The following BTBD9 variants were observed in gnomAD, a reference collection of about 807,000 sequenced individuals.
BTBD9 encodes the protein BTB domain containing 9.
In BTBD9, 49 loss-of-function variants were observed where a neutral mutation model predicts 64.3. That is an observed-to-expected ratio of 0.76 (90% CI 0.61 to 0.97). BTBD9 has a LOEUF of 0.97. BTBD9 is among the 50% of genes least tolerant of loss of function. The pLI, the probability that BTBD9 is intolerant of heterozygous loss-of-function variation, is 0.00. For synonymous variants in BTBD9, 260 were observed against 274.7 expected (o/e 0.95, Z 0.53); for missense variants, 598 against 762.1 (o/e 0.78, Z 2.53).
intron 9 of BTBD9, among the ~76,000 whole-genome samples, chr6:38,250,123 AG>A (rs1181184835): frequency 6.6e-6 from 1 of 152,204 alleles, no homozygotes; most frequent in Admixed American, 6.5e-5. Context: ...GAAAAGTAAC[AG>A]GGGCCCAAGG....
intron 10 of BTBD9, among the ~76,000 whole-genome samples, chr6:38,175,460 T>C (rs900887777): frequency 6.6e-6 from 1 of 152,236 alleles, no homozygotes; most frequent in Non-Finnish European, 1.5e-5. Context: ...CACACTGGAT[T>C]ACTCCGTTTT....
chr6:38,623,614 C>T (rs1048371782), intron 1 of BTBD9, among the ~76,000 whole-genome samples: 3 of 152,126 alleles, frequency 2.0e-5, no homozygotes, highest in South Asian at 2.1e-4. Context: ...AAGTACAAGA[C>T]GCTTCCCGGC....
intron 5 of BTBD9, among the ~76,000 whole-genome samples, chr6:38,578,391 C>T (rs73412397): frequency 0.016 from 2,469 of 152,278 alleles, 68 homozygotes; most frequent in African/African-American, 0.056. Flanking sequence ...TCAGCTACTC[C>T]GAACCATTAC....
At position 38,496,359 on chromosome 6, in the gene BTBD9, T is replaced by A. The variant is rs557913385; in HGVS notation, c.1154+81241A>T. On this transcript the variant is annotated intron_variant, in intron 6 of 10. Coordinates refer to ENST00000481247, the MANE Select transcript of BTBD9 (RefSeq NM_001099272.2). ...AAACACATTTTTCTAAAGATGCAAA[T>A]CAGCCAGGCGCAGTGGTTCACACCT... Among the ~76,000 whole-genome samples, 8 of 152,186 alleles carry A rather than the reference T, an allele frequency of 5.3e-5. No individual in the cohort carries two copies. In the East Asian group the frequency reaches 1.5e-3, roughly 29 times the overall value.
Position 38,171,560 on chromosome 6 carries a change from GTGTGTGTGTGTGTGTGTGT to G in BTBD9, c.*3406_*3424del, listed in dbSNP as rs1270593215. On this transcript the variant is annotated 3_prime_UTR_variant, in exon 11 of 11. Transcript: ENST00000481247. Reference sequence around the variant, plus strand: ...ACTGAGAAAATGGTAAAACGGGTGTGTGTGTGTGTGTGTGTGTGTGTGTGTGTGTGTGTGTGTGTGTGTG... The same window carrying G: ...ACTGAGAAAATGGTAAAACGGGTGTGGTGTGTGTGTGTGTGTGTGTGTGTG... 1 of 1,346 alleles carries G rather than the reference GTGTGTGTGTGTGTGTGTGT, an allele frequency of 7.4e-4. No homozygotes were observed. Among genetic ancestry groups the G allele is most frequent in the Non-Finnish European group, 3.5e-3 (1 of 286 alleles). 0.1% of individuals were successfully genotyped at this position (1,346 alleles called of 1,614,324 possible).
chr6:38,372,969 T>C (rs982432109), intron 6 of BTBD9, among the ~76,000 whole-genome samples: 2 of 152,296 alleles, frequency 1.3e-5, no homozygotes, highest in South Asian at 2.1e-4. Context: ...CCTGCAAGCA[T>C]GCATTTCCTT....
At chr6:38,222,257 GTT>G (rs1156925177) in intron 9 of BTBD9, among the ~76,000 whole-genome samples, 1 of 114,368 alleles carries the variant, frequency 8.7e-6, no homozygotes, top group Admixed American at 1.1e-4. Flanking sequence ...TCATTCAGTT[GTT>G]TTTTTTTTTT....
At chr6:38,266,195 C>A (rs115747172) in intron 8 of BTBD9, among the ~76,000 whole-genome samples, 128 of 152,364 alleles carry the variant, frequency 8.4e-4, no homozygotes, top group African/African-American at 3.0e-3. Flanking sequence ...TATTTAATCA[C>A]TTGACAAACT....
intron 6 of BTBD9, among the ~76,000 whole-genome samples, chr6:38,351,420 A>G (rs1208951181): frequency 6.6e-6 from 1 of 152,130 alleles, no homozygotes. Context: ...ATATAGAATC[A>G]ATTATATGGA....
intron 6 of BTBD9, among the ~76,000 whole-genome samples, chr6:38,439,599 G>T (rs1768930006): frequency 6.6e-6 from 1 of 151,858 alleles, no homozygotes; most frequent in South Asian, 2.1e-4. Flanking sequence ...TCTAATTTTT[G>T]AATTTTTAGT....
At chr6:38,609,497 G>T (rs1335085094) in intron 1 of BTBD9, among the ~76,000 whole-genome samples, 1 of 152,028 alleles carries the variant, frequency 6.6e-6, no homozygotes, top group Non-Finnish European at 1.5e-5. Context: ...AAGCAAATAT[G>T]TGGCCTGCCT....
intron 6 of BTBD9, among the ~76,000 whole-genome samples, chr6:38,519,469 A>G (rs571222068): frequency 1.5e-4 from 23 of 152,358 alleles, no homozygotes; most frequent in Admixed American, 1.2e-3. Flanking sequence ...TATGTGACAC[A>G]GCAAGCAGAG....
chr6:38,603,873 C>A (rs1454918667), intron 1 of BTBD9, among the ~76,000 whole-genome samples: 1 of 152,100 alleles, frequency 6.6e-6, no homozygotes, highest in Non-Finnish European at 1.5e-5. Flanking sequence ...GTCTTGGTAC[C>A]CATGTGCTGT....
At chr6:38,219,947 A>G (rs1302991484) in intron 9 of BTBD9, among the ~76,000 whole-genome samples, 1 of 152,244 alleles carries the variant, frequency 6.6e-6, no homozygotes, top group African/African-American at 2.4e-5. Context: ...ATGTTATTTA[A>G]TATGGTAATA....
At chr6:38,472,498 A>G (rs1356080501) in intron 6 of BTBD9, among the ~76,000 whole-genome samples, 1 of 152,158 alleles carries the variant, frequency 6.6e-6, no homozygotes. Flanking sequence ...GTCCCCAAGC[A>G]GCAAGACGAT....
At chr6:38,568,579 T>C (rs1021253401) in intron 6 of BTBD9, among the ~76,000 whole-genome samples, 3 of 152,178 alleles carry the variant, frequency 2.0e-5, no homozygotes, top group Admixed American at 1.3e-4. Flanking sequence ...TGCTTCAGGA[T>C]TTCCTAAGTT....
chr6:38,339,548 T>C (rs944920790), intron 7 of BTBD9, among the ~76,000 whole-genome samples: 57 of 152,148 alleles, frequency 3.7e-4, no homozygotes, highest in African/African-American at 1.2e-3. Flanking sequence ...TATAGTGTGC[T>C]ACCAATTATT....
chr6:38,368,354 G>A (rs1248776232), intron 6 of BTBD9, among the ~76,000 whole-genome samples: 3 of 151,996 alleles, frequency 2.0e-5, no homozygotes, highest in Admixed American at 1.3e-4. Flanking sequence ...GGGGGCGGGG[G>A]AATGGAGTCT....
rs1417449667 is a variant in BTBD9 at position 38,174,695 on chromosome 6, G to A, written c.*290C>T. ...TGTCTATGACTTCCTCCTGTTCCCT[G>A]CGCCTGGGCTAGATTAGAGAGGTAG... On this transcript the variant is annotated 3_prime_UTR_variant, in exon 11 of 11. Transcript: ENST00000481247. 9.4e-6 allele frequency: 4 copies of A among 427,352 alleles called. No individual in the cohort carries two copies. Among genetic ancestry groups the A allele is most frequent in the Non-Finnish European group, 1.7e-5 (4 of 239,126 alleles). The allele number at this position is 427,352 out of a possible 1,614,324, so 26.5% of individuals were successfully genotyped here. A position where few individuals can be genotyped will look rare whatever the true frequency, so the allele number is the denominator to read the frequency against.
Sources: gnomAD v4.1 joint callset for allele counts (sites outside exome capture counted in the v4.1 genomes callset) on GRCh38, gnomAD v4.1.1 for gene constraint, MANE v1.5 for transcripts, NCBI Gene and HGNC (gene_info 2026-07-23, HGNC 2026-07-21) for gene names.